The following CRISPLD2 variants were observed in gnomAD, a reference collection of about 807,000 sequenced individuals.
CRISPLD2 encodes the protein cysteine-rich secretory protein LCCL domain-containing 2.
A neutral mutation model predicts 71.1 loss-of-function variants in CRISPLD2; 47 were observed. The ratio of observed to expected loss-of-function variants is 0.66; its 90% CI spans 0.52 to 0.84. The LOEUF (loss-of-function observed/expected upper bound fraction) is 0.84, where lower values mean the gene tolerates loss of function less well. Among genes scored for constraint, CRISPLD2 ranks in the 40% least tolerant of loss-of-function variants. The pLI, the probability that CRISPLD2 is intolerant of heterozygous loss-of-function variation, is 0.00. For synonymous variants in CRISPLD2, 317 were observed against 250.1 expected, an observed-to-expected ratio of 1.27 and a Z score of -2.52; for missense variants, 830 against 651.1, an observed-to-expected ratio of 1.27 and a Z score of -2.99.
intron 1 of CRISPLD2, among the ~76,000 whole-genome samples, chr16:84,836,024 A>C (rs367964724): frequency 2.5e-4 from 38 of 152,358 alleles, no homozygotes; most frequent in African/African-American, 8.9e-4. Flanking sequence ...CCACGTGTGG[A>C]AAATTCCACA....
At chr16:84,888,249 T>C (rs541271598) in intron 13 of CRISPLD2, among the ~76,000 whole-genome samples, 16 of 152,284 alleles carry the variant, frequency 1.1e-4, no homozygotes, top group Admixed American at 2.6e-4. Flanking sequence ...AAACCAACAA[T>C]TGGGCCGAGT....
At chr16:84,823,192 G>A (rs748104119) in intron 1 of CRISPLD2, among the ~76,000 whole-genome samples, 12 of 152,192 alleles carry the variant, frequency 7.9e-5, no homozygotes, top group African/African-American at 1.9e-4. Context: ...TGAGACCTTC[G>A]TTCCTTTTTT....
At chr16:84,845,944 C>A in intron 3 of CRISPLD2, 40 bp downstream of exon 3, 1 of 1,365,340 alleles carries the variant, frequency 7.3e-7, no homozygotes, top group Non-Finnish European at 1.0e-6. Context: ...CGCAGGACCC[C>A]ACTGCCGTGT....
intron 5 of CRISPLD2, among the ~76,000 whole-genome samples, chr16:84,852,131 A>T (rs1917106258): frequency 6.6e-6 from 1 of 152,222 alleles, no homozygotes; most frequent in South Asian, 2.1e-4. Flanking sequence ...GTGAGAGATG[A>T]GGACATCAAT....
intron 1 of CRISPLD2, chr16:84,828,294 C>G (rs1183790983): frequency 3.3e-5 from 5 of 152,118 alleles, no homozygotes; most frequent in African/African-American, 4.8e-5. Flanking sequence ...CCATTAAGTT[C>G]CTGGGATTCT....
rs114234975 is a variant in CRISPLD2 at position 84,866,995 on chromosome 16, A to C, written c.808A>C (p.Met270Leu). 1.2e-6 allele frequency: 2 copies of C among 1,613,956 alleles called. No homozygotes were observed. The highest frequency in any genetic ancestry group is 2.7e-5 in the African/African-American group (2 of 74,880). The stretch of plus-strand genomic sequence containing the variant: ...CCATGTTTGGCTCCAACCGAGGGTG[A>C]TGAGACCCACCAAGCCCAAGAAAAC... ...ENHVWLQPRV[M>L]RPTKPKKTSA... Residue 270 changes from methionine to leucine, a missense_variant, in exon 7 of 15, where the codon ATG becomes CTG. Met to Leu is a conservative substitution (Grantham distance 15). Transcript: ENST00000262424.
intron 1 of CRISPLD2, among the ~76,000 whole-genome samples, chr16:84,822,808 G>A (rs7205746): frequency 0.25 from 37,828 of 152,060 alleles, 5,082 homozygotes; most frequent in Non-Finnish European, 0.31. Flanking sequence ...CTGGGTGGTG[G>A]TTAATAGGAT....
At chr16:84,904,669 T>C (rs2071786060) in intron 14 of CRISPLD2, among the ~76,000 whole-genome samples, 1 of 151,564 alleles carries the variant, frequency 6.6e-6, no homozygotes, top group Non-Finnish European at 1.5e-5. Flanking sequence ...ACACTTCCAG[T>C]CAATTGATTT....
At chr16:84,890,877 G>A (rs1057089240) in intron 14 of CRISPLD2, among the ~76,000 whole-genome samples, 19 of 152,086 alleles carry the variant, frequency 1.2e-4, no homozygotes, top group Admixed American at 1.2e-3. Context: ...ATTCAGAAAG[G>A]GCACTCAGCC....
chr16:84,882,861 C>A lies in CRISPLD2; in HGVS notation c.1305+2277C>A, dbSNP rs114140289. 1.5e-3 allele frequency among the ~76,000 whole-genome samples: 223 copies of A among 152,334 alleles called. 1 individual carries two copies. Among genetic ancestry groups the A allele is most frequent in the African/African-American group, 4.9e-3 (202 of 41,576 alleles). Reference sequence around the variant, plus strand: ...GTGAGCACGTGGCAAAGGTGACAAACAGGTGAACATGTGTCCGGCTTTCGA... The same window carrying A: ...GTGAGCACGTGGCAAAGGTGACAAAAAGGTGAACATGTGTCCGGCTTTCGA... On this transcript the variant is annotated intron_variant, in intron 13 of 14. Transcript: ENST00000262424.
chr16:84,884,291 C>G lies in CRISPLD2; in HGVS notation c.1305+3707C>G, dbSNP rs141605859. Among the ~76,000 whole-genome samples, 91 of 151,668 alleles carry G rather than the reference C, an allele frequency of 6.0e-4. 1 individual carries two copies. The highest frequency in any genetic ancestry group is 2.1e-3 in the African/African-American group (85 of 41,292). ...GGGGCAAGGTGTGAGCCCCCCTGCC[C>G]CTCAGTCACCTGAGTGTTCAAAGCG... On this transcript the variant is annotated intron_variant, in intron 13 of 14. Coordinates refer to ENST00000262424, the MANE Select transcript of CRISPLD2 (RefSeq NM_031476.4).
At chr16:84,848,066 A>T (rs187421432) in intron 3 of CRISPLD2, among the ~76,000 whole-genome samples, 1 of 152,180 alleles carries the variant, frequency 6.6e-6, no homozygotes, top group Non-Finnish European at 1.5e-5. Context: ...CCCCTTTCTT[A>T]AGGAATTTTG....
chr16:84,880,659 GA>G, intron 13 of CRISPLD2, 75 bp downstream of exon 13: 1 of 1,101,998 alleles, frequency 9.1e-7, no homozygotes, highest in South Asian at 1.3e-5. Flanking sequence ...CCAAGATCTG[GA>G]TACTTGAAAC....
At chr16:84,838,145 T>G (rs1376240710) in intron 1 of CRISPLD2, among the ~76,000 whole-genome samples, 1 of 152,040 alleles carries the variant, frequency 6.6e-6, no homozygotes, top group Non-Finnish European at 1.5e-5. Context: ...AATTAGAAAA[T>G]GCAGGGACTC....
intron 14 of CRISPLD2, among the ~76,000 whole-genome samples, chr16:84,906,181 G>A (rs538894515): frequency 6.6e-6 from 1 of 151,992 alleles, no homozygotes; most frequent in Non-Finnish European, 1.5e-5. Flanking sequence ...GGTGGAAGGC[G>A]GTGAAGCACC....
At position 84,901,528 on chromosome 16, in the gene CRISPLD2, A is replaced by G. The variant is rs149625334; in HGVS notation, c.1440-5060A>G. Among the ~76,000 whole-genome samples, 635 of 145,586 alleles carry G rather than the reference A, an allele frequency of 4.4e-3. 9 individuals carry two copies. Among genetic ancestry groups the G allele is most frequent in the African/African-American group, 0.016 (606 of 38,768 alleles). On this transcript the variant is annotated intron_variant, in intron 14 of 14. Coordinates refer to ENST00000262424, the MANE Select transcript of CRISPLD2 (RefSeq NM_031476.4). Reference sequence around the variant, plus strand: ...CCTGTGTCGCCCAGGCTGGAGTGCAATGGTGTGATCTCGGCTCATTGCAAC... The same window carrying G: ...CCTGTGTCGCCCAGGCTGGAGTGCAGTGGTGTGATCTCGGCTCATTGCAAC...
At chr16:84,878,069 A>T (rs1213099522) in intron 12 of CRISPLD2, among the ~76,000 whole-genome samples, 3 of 150,378 alleles carry the variant, frequency 2.0e-5, no homozygotes, top group East Asian at 3.9e-4. Context: ...AAAAAAAAAA[A>T]AAAAATTAGC....
rs2071832616 is a variant in CRISPLD2, at chr16:84,909,374, T to C, written c.*2732T>C. On this transcript the variant is annotated 3_prime_UTR_variant, in exon 15 of 15. Transcript: ENST00000262424. The stretch of plus-strand genomic sequence containing the variant: ...TGTACAAAGTTTTATTGTAAATGTT[T>C]TTTGTGCTTTGCATGAACAGGGGCC... 6.5e-6 allele frequency: 1 copy of C among 152,680 alleles called. No individual in the cohort carries two copies. 9.5% of individuals were successfully genotyped at this position (152,680 alleles called of 1,614,324 possible).
intron 14 of CRISPLD2, among the ~76,000 whole-genome samples, chr16:84,901,297 C>A (rs1299612290): frequency 2.0e-5 from 3 of 152,040 alleles, no homozygotes; most frequent in African/African-American, 7.3e-5. Flanking sequence ...TTGTTAACAT[C>A]CACATAAGAT....
Sources: gnomAD v4.1 joint callset for allele counts (sites outside exome capture counted in the v4.1 genomes callset) on GRCh38, gnomAD v4.1.1 for gene constraint, MANE v1.5 for transcripts, NCBI Gene and HGNC (gene_info 2026-07-23, HGNC 2026-07-21) for gene names.